KIAA1549L: variants seen among roughly 807,000 people sequenced by gnomAD.
KIAA1549L encodes KIAA1549 like, also known as UPF0606 protein KIAA1549L.
A neutral mutation model predicts 160.7 loss-of-function variants in KIAA1549L; 88 were observed. That is an observed-to-expected ratio of 0.55 (90% CI 0.46 to 0.65). The LOEUF (loss-of-function observed/expected upper bound fraction) is 0.65, where lower values mean the gene tolerates loss of function less well. Among genes scored for constraint, KIAA1549L ranks in the 30% least tolerant of loss-of-function variants. KIAA1549L has a pLI of 0.00. For missense variants in KIAA1549L, 2,258 were observed against 2,437.5 expected (o/e 0.93, Z 1.55); for synonymous variants, 950 against 976.7 (o/e 0.97, Z 0.51).
At chr11:33,663,561 T>A (rs953817971) in intron 20 of KIAA1549L, among the ~76,000 whole-genome samples, 1 of 152,154 alleles carries the variant, frequency 6.6e-6, no homozygotes, top group South Asian at 2.1e-4. Context: ...CTTGATACCA[T>A]AGAGCTGAGG....
chr11:33,377,604 G>A (rs1203958659), intron 1 of KIAA1549L, among the ~76,000 whole-genome samples: 2 of 152,180 alleles, frequency 1.3e-5, no homozygotes, highest in Non-Finnish European at 2.9e-5. Context: ...TGTGCAGTAA[G>A]CAGTTGTCCT....
intron 1 of KIAA1549L, among the ~76,000 whole-genome samples, chr11:33,440,169 G>A (rs1477935516): frequency 1.1e-4 from 12 of 114,154 alleles, no homozygotes; most frequent in African/African-American, 2.6e-4. Flanking sequence ...TCGCTCTGTC[G>A]CCCAGGCTGG....
At chr11:33,653,317 G>A (rs764301700) in intron 17 of KIAA1549L, among the ~76,000 whole-genome samples, 2 of 152,224 alleles carry the variant, frequency 1.3e-5, no homozygotes, top group Admixed American at 6.5e-5. Context: ...GCACAGCAAC[G>A]TAGCTTTCCA....
At chr11:33,518,017 G>A (rs903935932) in intron 1 of KIAA1549L, among the ~76,000 whole-genome samples, 1 of 151,644 alleles carries the variant, frequency 6.6e-6, no homozygotes, top group Non-Finnish European at 1.5e-5. Context: ...GTGGGCACCT[G>A]TAACCCCAGC....
chr11:33,550,568 C>T (rs887451972), intron 4 of KIAA1549L, among the ~76,000 whole-genome samples: 3 of 152,166 alleles, frequency 2.0e-5, no homozygotes, highest in African/African-American at 7.2e-5. Flanking sequence ...CTTCTCTCTG[C>T]TTCTAGAAAG....
In KIAA1549L at chr11:33,564,119, T is replaced by C. The variant is rs956588643; in HGVS notation, c.4078+2384T>C. Among the ~76,000 whole-genome samples, 19 of 152,194 alleles carry C rather than the reference T, an allele frequency of 1.2e-4. 1 individual carries two copies. The highest frequency in any genetic ancestry group is 4.6e-4 in the African/African-American group (19 of 41,448). ...TTTAGGGCTAGCTGGATCAGTTGGT[T>C]AGTGCTTGGGAAGGGCTGGAACCAG... On this transcript the variant is annotated intron_variant, in intron 8 of 20. Coordinates refer to ENST00000658780, the MANE Select transcript of KIAA1549L (RefSeq NM_012194.3).
At position 33,525,550 on chromosome 11, in the gene KIAA1549L, C is replaced by T. The variant is rs995783259; in HGVS notation, c.239-16252C>T. ...TTCTGGCTGAACTTTGTAATAATTT[C>T]GACCTAAGCATAAATTTTCCTGAGT... On this transcript the variant is annotated intron_variant, in intron 1 of 20. Coordinates refer to ENST00000658780, the MANE Select transcript of KIAA1549L (RefSeq NM_012194.3). 4.0e-5 allele frequency among the ~76,000 whole-genome samples: 6 copies of T among 150,616 alleles called. No homozygotes were observed. The East Asian group carries it at 7.9e-4, about 20-fold the overall frequency.
intron 12 of KIAA1549L, among the ~76,000 whole-genome samples, chr11:33,592,890 G>T (rs1007633284): frequency 6.6e-6 from 1 of 152,220 alleles, no homozygotes; most frequent in African/African-American, 2.4e-5. Flanking sequence ...GTACGAAACA[G>T]ATGGAACAGT....
chr11:33,604,371 C>A (rs1033381381), intron 13 of KIAA1549L, among the ~76,000 whole-genome samples: 1 of 152,174 alleles, frequency 6.6e-6, no homozygotes, highest in African/African-American at 2.4e-5. Flanking sequence ...TAAATTAGTA[C>A]AACCCCTATG....
At chr11:33,521,676 T>C (rs2133127162) in intron 1 of KIAA1549L, among the ~76,000 whole-genome samples, 1 of 152,290 alleles carries the variant, frequency 6.6e-6, no homozygotes, top group Non-Finnish European at 1.5e-5. Flanking sequence ...CTCTAGCAAA[T>C]GATATATGTC....
intron 17 of KIAA1549L, among the ~76,000 whole-genome samples, chr11:33,652,344 C>T (rs139027724): frequency 6.0e-4 from 91 of 152,226 alleles, no homozygotes; most frequent in African/African-American, 2.1e-3. Context: ...ACCACGAGCA[C>T]GTGGCACAGG....
chr11:33,388,612 G>A (rs77828685), intron 1 of KIAA1549L, among the ~76,000 whole-genome samples: 183 of 152,118 alleles, frequency 1.2e-3, no homozygotes, highest in African/African-American at 4.1e-3. Context: ...TGCTTTTCCC[G>A]TTAACACTAT....
At chr11:33,466,663 G>A (rs992971371) in intron 1 of KIAA1549L, among the ~76,000 whole-genome samples, 7 of 152,096 alleles carry the variant, frequency 4.6e-5, no homozygotes, top group African/African-American at 1.4e-4. Context: ...AAAGACACAT[G>A]CACACATATG....
Position 33,544,950 on chromosome 11 carries a change from C to T in KIAA1549L, c.2957C>T (p.Thr986Ile). 2 of 1,613,786 alleles carry T rather than the reference C, an allele frequency of 1.2e-6. No individual in the cohort carries two copies. The highest frequency in any genetic ancestry group is 8.5e-7 in the Non-Finnish European group (1 of 1,179,790). The stretch of plus-strand genomic sequence containing the variant: ...ATGACTACTCTTGCTAAAAATGTCA[C>T]AAACAAGGCCGCATCTGGCCCAAAG... ...SSMTTLAKNV[T>I]NKAASGPKRT... Residue 986 changes from threonine (T) to isoleucine (I), a missense_variant, in exon 3 of 21, where the codon ACA (threonine) becomes ATA (isoleucine). Around this residue, in one of 6 missense-constraint regions of KIAA1549L, gnomAD observed 1,359 missense variants for 1,546.6 expected, o/e 0.88. Coordinates refer to ENST00000658780, the MANE Select transcript of KIAA1549L (RefSeq NM_012194.3).
chr11:33,495,083 T>TTTATTATTATTA (rs367711015), intron 1 of KIAA1549L, among the ~76,000 whole-genome samples: 4 of 152,016 alleles, frequency 2.6e-5, no homozygotes, highest in South Asian at 4.1e-4. Flanking sequence ...CATTTGCTAC[T>TTTATTATTATTA]TTATTATTAT....
intron 1 of KIAA1549L, among the ~76,000 whole-genome samples, chr11:33,460,426 A>G (rs560234401): frequency 7.9e-5 from 12 of 152,282 alleles, no homozygotes; most frequent in Admixed American, 2.0e-4. Context: ...GGATGAAACA[A>G]TTCTCTTTGG....
chr11:33,512,748 T>G (rs2133108981), intron 1 of KIAA1549L, among the ~76,000 whole-genome samples: 1 of 152,258 alleles, frequency 6.6e-6, no homozygotes, highest in East Asian at 1.9e-4. Context: ...TCGAAATCCT[T>G]TTAGTGCATT....
intron 12 of KIAA1549L, among the ~76,000 whole-genome samples, chr11:33,595,465 G>A (rs975422422): frequency 2.0e-5 from 3 of 152,176 alleles, no homozygotes; most frequent in African/African-American, 7.2e-5. Flanking sequence ...CTGACCTCAA[G>A]TGATCTGCCC....
intron 1 of KIAA1549L, among the ~76,000 whole-genome samples, chr11:33,434,961 G>T (rs538214082): frequency 3.3e-5 from 5 of 152,198 alleles, no homozygotes; most frequent in Non-Finnish European, 7.3e-5. Flanking sequence ...TGTATAATCA[G>T]TGATGATCAT....
Sources: gnomAD v4.1 joint callset for allele counts (sites outside exome capture counted in the v4.1 genomes callset) on GRCh38, gnomAD v4.1.1 for gene constraint, gnomAD v4.1.1 regional missense constraint, MANE v1.5 for transcripts, NCBI Gene and HGNC (gene_info 2026-07-23, HGNC 2026-07-21) for gene names.